Variants in RANBP17 observed in about 807,000 individuals in gnomAD.
The protein encoded by RANBP17 is RAN binding protein 17, also known as ran-binding protein 17.
A neutral mutation model predicts 141.2 loss-of-function variants in RANBP17; 158 were observed. That is an observed-to-expected ratio of 1.12 (90% CI 0.98 to 1.28). RANBP17 has a LOEUF of 1.28. Ranked by LOEUF, RANBP17 falls within the 50% of genes most tolerant of loss-of-function variation. The pLI is 0.00. For synonymous variants in RANBP17, 430 were observed against 450.0 expected, an observed-to-expected ratio of 0.96 and a Z score of 0.56; for missense variants, 1,438 against 1,290.7, an observed-to-expected ratio of 1.11 and a Z score of -1.75.
intron 25 of RANBP17, among the ~76,000 whole-genome samples, chr5:171,280,640 G>A (rs980790140): frequency 1.1e-4 from 16 of 152,152 alleles, no homozygotes; most frequent in African/African-American, 3.9e-4. Context: ...AGTGTGTTGA[G>A]GAAGACTCCT....
At chr5:171,144,688 G>A (rs1757923553) in intron 14 of RANBP17, among the ~76,000 whole-genome samples, 1 of 152,178 alleles carries the variant, frequency 6.6e-6, no homozygotes, top group African/African-American at 2.4e-5. Flanking sequence ...ATCAGATTTG[G>A]AGGACCTTTT....
At chr5:170,950,639 T>G (rs1775139163) in intron 12 of RANBP17, among the ~76,000 whole-genome samples, 1 of 152,030 alleles carries the variant, frequency 6.6e-6, no homozygotes, top group Non-Finnish European at 1.5e-5. Context: ...GTGGTGGGAA[T>G]GTAAATTAAA....
At position 171,213,647 on chromosome 5, in the gene RANBP17, C is replaced by T. The variant is rs753476184; in HGVS notation, c.2248C>T (p.Pro750Ser). The stretch of plus-strand genomic sequence containing the variant: ...TTATAAAAGGTACCCAACGTACCTT[C>T]CCCTTCTTCAGAATGCTGTTGAACG... Reference protein sequence around the residue: ...LFDWMYPTYLPLLQNAVERWY... With the variant: ...LFDWMYPTYLSLLQNAVERWY... The change falls in exon 21 of 28, where the codon CCC becomes TCC. Residue 750 changes from proline to serine, a missense_variant. Transcript: ENST00000523189. 1.2e-6 allele frequency: 2 copies of T among 1,613,334 alleles called. No homozygotes were observed. The highest frequency in any genetic ancestry group is 2.2e-5 in the South Asian group (2 of 91,046).
At chr5:170,982,379 G>A (rs1315438953) in intron 14 of RANBP17, among the ~76,000 whole-genome samples, 4 of 152,094 alleles carry the variant, frequency 2.6e-5, no homozygotes, top group Non-Finnish European at 4.4e-5. Flanking sequence ...CTAGCCTCTT[G>A]AAGAAAACCT....
chr5:171,051,834 T>A (rs886365924), intron 14 of RANBP17, among the ~76,000 whole-genome samples: 1 of 152,214 alleles, frequency 6.6e-6, no homozygotes, highest in Non-Finnish European at 1.5e-5. Context: ...GCCACACCAT[T>A]TTACATTCCC....
chr5:171,095,772 C>G (rs1470145727), intron 14 of RANBP17, among the ~76,000 whole-genome samples: 1 of 152,014 alleles, frequency 6.6e-6, no homozygotes, highest in African/African-American at 2.4e-5. Context: ...CCCGACACAC[C>G]CACACAGTCA....
intron 14 of RANBP17, among the ~76,000 whole-genome samples, chr5:171,086,339 T>G (rs1402392887): frequency 6.6e-6 from 1 of 151,530 alleles, no homozygotes; most frequent in Admixed American, 6.6e-5. Flanking sequence ...GGATAAGCGT[T>G]TTGATGTGCT....
chr5:171,171,242 T>G lies in RANBP17; in HGVS notation c.1821T>G (p.Pro607=). 6.3e-7 allele frequency: 1 copy of G among 1,598,452 alleles called. No homozygotes were observed. Among genetic ancestry groups the G allele is most frequent in the Non-Finnish European group, 8.6e-7 (1 of 1,169,494 alleles). The change falls in exon 16 of 28, where the codon CCT becomes CCG. Residue 607 remains proline (P), a synonymous_variant. Transcript: ENST00000523189. ...TNLKYWGRYE[P]VISRTLQFLN... The stretch of plus-strand genomic sequence containing the variant: ...TTAAATACTGGGGAAGATATGAGCC[T>G]GTAATTTCAAGGACTCTTCAGTTCC...
At chr5:171,056,808 C>CA (rs56690888) in intron 14 of RANBP17, among the ~76,000 whole-genome samples, 104,078 of 151,584 alleles carry the variant, frequency 0.69, 35,888 homozygotes, top group South Asian at 0.89. Context: ...TTGATTTAGC[C>CA]AAATTATACC....
intron 14 of RANBP17, among the ~76,000 whole-genome samples, chr5:171,102,981 C>A (rs1405822132): frequency 6.6e-6 from 1 of 152,148 alleles, no homozygotes; most frequent in Non-Finnish European, 1.5e-5. Flanking sequence ...AGCTTCATCC[C>A]AGAGGGGTAC....
At chr5:170,955,916 G>T (rs1775657785) in intron 13 of RANBP17, among the ~76,000 whole-genome samples, 3 of 148,826 alleles carry the variant, frequency 2.0e-5, no homozygotes, top group African/African-American at 7.4e-5. Flanking sequence ...CTTCTTTACT[G>T]GCTTTAAATA....
intron 14 of RANBP17, among the ~76,000 whole-genome samples, chr5:171,157,373 A>G (rs1758982240): frequency 6.6e-6 from 1 of 152,202 alleles, no homozygotes; most frequent in African/African-American, 2.4e-5. Flanking sequence ...TGACTCATTC[A>G]TTAACTAAGT....
chr5:170,931,324 T>G (rs964682226), intron 12 of RANBP17, among the ~76,000 whole-genome samples: 1 of 152,242 alleles, frequency 6.6e-6, no homozygotes, highest in African/African-American at 2.4e-5. Flanking sequence ...TTTTGTCAGA[T>G]GGGTAGATTG....
intron 14 of RANBP17, among the ~76,000 whole-genome samples, chr5:171,153,816 T>C (rs1052449035): frequency 1.3e-5 from 2 of 152,054 alleles, no homozygotes; most frequent in African/African-American, 4.8e-5. Context: ...TCACCTGAGG[T>C]CGGGAGTTCA....
In RANBP17 at chr5:170,878,238, G is replaced by A. The variant is rs1460734067; in HGVS notation, c.160G>A (p.Gly54Arg). ...CAAGTGTCAACTTTTATTAGAACAA[G>A]GAACAGTAAGTATTTGGTAACAATG... Reference protein sequence around the residue: ...LSKCQLLLEQGTTSYAQLLAA... With the variant: ...LSKCQLLLEQRTTSYAQLLAA... Residue 54 changes from glycine to arginine, a missense_variant, in exon 2 of 28, where the codon GGA becomes AGA. Transcript: ENST00000523189. 3 of 1,604,664 alleles carry A rather than the reference G, an allele frequency of 1.9e-6. No homozygotes were observed. The South Asian group carries it at 3.4e-5, about 18-fold the overall frequency.
intron 12 of RANBP17, among the ~76,000 whole-genome samples, chr5:170,943,905 T>C (rs527343342): frequency 2.0e-5 from 3 of 152,202 alleles, no homozygotes; most frequent in Admixed American, 6.5e-5. Context: ...TCTAATCTTT[T>C]AGCAAATAAA....
intron 22 of RANBP17, among the ~76,000 whole-genome samples, chr5:171,229,213 T>C (rs1380700050): frequency 6.6e-6 from 1 of 152,180 alleles, no homozygotes; most frequent in Non-Finnish European, 1.5e-5. Flanking sequence ...AATAACAAAG[T>C]AGCAGAGTAA....
At chr5:171,099,958 T>C (rs2127741327) in intron 14 of RANBP17, among the ~76,000 whole-genome samples, 1 of 152,350 alleles carries the variant, frequency 6.6e-6, no homozygotes, top group East Asian at 1.9e-4. Flanking sequence ...GAAGCTGACT[T>C]GATCGTGGTA....
chr5:170,954,143 G>A (rs1775421432), intron 13 of RANBP17, among the ~76,000 whole-genome samples: 1 of 152,062 alleles, frequency 6.6e-6, no homozygotes, highest in Non-Finnish European at 1.5e-5. Flanking sequence ...CTAACCTGAG[G>A]AAAATTTCTA....
Sources: allele counts gnomAD v4.1 joint callset (sites outside exome capture counted in the v4.1 genomes callset), GRCh38; gene constraint gnomAD v4.1.1; transcripts MANE v1.5; gene names NCBI Gene and HGNC (gene_info 2026-07-23, HGNC 2026-07-21).